The following CLASP1 variants were observed in gnomAD, a reference collection of about 807,000 sequenced individuals.
The protein encoded by CLASP1 is cytoplasmic linker associated protein 1.
In CLASP1, 38 loss-of-function variants were observed where a neutral mutation model predicts 192.3. The observed-to-expected ratio is 0.20, with a 90% CI of 0.15 to 0.26. The LOEUF is 0.26. Ranked by LOEUF, CLASP1 falls within the 10% of genes least tolerant of loss-of-function variation. The probability of loss-of-function intolerance (pLI) is 1.00; values close to 1 mark genes in which losing one functional copy is unlikely to be tolerated. For synonymous variants in CLASP1, 691 were observed against 712.8 expected (o/e 0.97, Z 0.49); for missense variants, 1,433 against 1,932.5 (o/e 0.74, Z 4.85).
intron 8 of CLASP1, among the ~76,000 whole-genome samples, chr2:121,487,868 G>C (rs375450737): frequency 6.6e-6 from 1 of 152,170 alleles, no homozygotes; most frequent in East Asian, 1.9e-4. Context: ...ACATCGTATG[G>C]ATCATTAACA....
exon 40 of CLASP1, chr2:121,340,646 T>C (rs939776731): frequency 1.9e-6 from 1 of 532,076 alleles, no homozygotes; most frequent in African/African-American, 1.9e-5. Flanking sequence ...TTATTCCTTT[T>C]GTTTTGTATG....
chr2:121,648,227 C>T (rs544542656), intron 1 of CLASP1, among the ~76,000 whole-genome samples: 2 of 152,258 alleles, frequency 1.3e-5, no homozygotes, highest in Non-Finnish European at 2.9e-5. Flanking sequence ...TTTCTAATGC[C>T]AGAATTGAAA....
intron 1 of CLASP1, among the ~76,000 whole-genome samples, chr2:121,619,297 T>C (rs768732329): frequency 1.3e-5 from 2 of 152,230 alleles, no homozygotes; most frequent in Non-Finnish European, 2.9e-5. Flanking sequence ...TCCTGTGTTT[T>C]CCAAATTTTT....
chr2:121,587,273 T>A (rs1165431233), intron 2 of CLASP1, among the ~76,000 whole-genome samples: 2 of 152,024 alleles, frequency 1.3e-5, no homozygotes, highest in East Asian at 3.9e-4. Context: ...AGACAGAGAA[T>A]AGATCAGAAC....
chr2:121,510,047 T>C (rs1056444320), intron 7 of CLASP1, among the ~76,000 whole-genome samples: 2 of 152,094 alleles, frequency 1.3e-5, no homozygotes, highest in African/African-American at 4.8e-5. Flanking sequence ...AATGAAAACA[T>C]TAACATATCA....
At chr2:121,509,825 G>A (rs1039187350) in intron 7 of CLASP1, among the ~76,000 whole-genome samples, 2 of 152,096 alleles carry the variant, frequency 1.3e-5, no homozygotes, top group Admixed American at 1.3e-4. Context: ...ACAAAAGAGT[G>A]AGACTCTGCC....
intron 34 of CLASP1, among the ~76,000 whole-genome samples, chr2:121,373,064 C>G (rs1014057153): frequency 1.3e-5 from 2 of 152,208 alleles, no homozygotes; most frequent in African/African-American, 4.8e-5. Flanking sequence ...TGTGTACTCA[C>G]CCAAATCTTA....
intron 2 of CLASP1, among the ~76,000 whole-genome samples, chr2:121,557,016 T>C (rs533264344): frequency 6.6e-6 from 1 of 152,322 alleles, no homozygotes; most frequent in Non-Finnish European, 1.5e-5. Context: ...GGCAACTGTC[T>C]ACAAAACTAA....
At position 121,622,641 on chromosome 2, in the gene CLASP1, C is replaced by T. The variant is rs116704658; in HGVS notation, c.-285-16461G>A. Among the ~76,000 whole-genome samples the T allele has an allele frequency of 2.3e-3, 348 of 151,090 alleles. 2 individuals are homozygous for T. The highest frequency in any genetic ancestry group is 4.0e-3 in the Non-Finnish European group (270 of 67,818). On this transcript the variant is annotated intron_variant, in intron 1 of 39. Coordinates refer to ENST00000263710, the Ensembl canonical transcript of CLASP1. ...TTCCCAAATGTTTTATTCTTTTTGA[C>T]GCTACTGTGAATGGAATTGTTCCCT...
At chr2:121,353,601 CTTTAT>C (rs1341282358) in intron 37 of CLASP1, among the ~76,000 whole-genome samples, 2 of 152,220 alleles carry the variant, frequency 1.3e-5, no homozygotes, top group African/African-American at 4.8e-5. Context: ...CATGTGTATG[CTTTAT>C]TTTATCACTG....
At chr2:121,615,201 A>T (rs1336090854) in intron 1 of CLASP1, among the ~76,000 whole-genome samples, 1 of 151,834 alleles carries the variant, frequency 6.6e-6, no homozygotes, top group African/African-American at 2.4e-5. Context: ...TTAGCCGGGC[A>T]TAGGGCGCAC....
intron 2 of CLASP1, among the ~76,000 whole-genome samples, chr2:121,561,866 T>C (rs1576008879): frequency 2.0e-5 from 3 of 152,362 alleles, no homozygotes; most frequent in Admixed American, 1.3e-4. Context: ...TTCCTACCTT[T>C]GAGTGGCTTA....
chr2:121,503,714 C>T (rs2093839861), intron 7 of CLASP1: 1 of 152,392 alleles, frequency 6.6e-6, no homozygotes, highest in African/African-American at 2.4e-5. Flanking sequence ...TCCAAAAATG[C>T]TATAAATGAT....
At chr2:121,447,439 C>T in exon 19 of CLASP1, 2 of 1,562,532 alleles carry the variant, frequency 1.3e-6, no homozygotes, top group South Asian at 1.2e-5. Context: ...GCTGCGTTCA[C>T]ATCAATATCA....
chr2:121,608,357 T>A lies in CLASP1; in HGVS notation c.-285-2177A>T, dbSNP rs7594751. Among the ~76,000 whole-genome samples the A allele has an allele frequency of 4.9e-3, 746 of 152,242 alleles. 8 individuals carry two copies. The highest frequency in any genetic ancestry group is 0.017 in the African/African-American group (723 of 41,534). ...CTACCTCACCCAGGTGGAGTCCAAG[T>A]CCCCTCCTGCAATGACTCTGGGCTT... On this transcript the variant is annotated intron_variant, in intron 1 of 39. Coordinates refer to ENST00000263710, the Ensembl canonical transcript of CLASP1.
chr2:121,362,172 C>T (rs2066540971), intron 37 of CLASP1, among the ~76,000 whole-genome samples: 1 of 152,260 alleles, frequency 6.6e-6, no homozygotes, highest in African/African-American at 2.4e-5. Context: ...TGTTATGTCT[C>T]ACTCTGGGGT....
chr2:121,497,324 AAGGAGTAC>A (rs1481699833), intron 8 of CLASP1, among the ~76,000 whole-genome samples: 1 of 152,202 alleles, frequency 6.6e-6, no homozygotes, highest in Non-Finnish European at 1.5e-5. Flanking sequence ...TCACGCTTAT[AAGGAGTAC>A]AGAAAACACT....
intron 1 of CLASP1, among the ~76,000 whole-genome samples, chr2:121,619,859 G>A (rs2067040063): frequency 6.6e-6 from 1 of 152,126 alleles, no homozygotes; most frequent in African/African-American, 2.4e-5. Flanking sequence ...GACATCCACT[G>A]AGAACTGCTG....
intron 33 of CLASP1, among the ~76,000 whole-genome samples, chr2:121,381,768 AT>A (rs1325042034): frequency 1.3e-5 from 2 of 152,200 alleles, no homozygotes; most frequent in Non-Finnish European, 2.9e-5. Context: ...CAAATAGTCA[AT>A]AGCAAGGCTG....
Sources: gnomAD v4.1 joint callset for allele counts (sites outside exome capture counted in the v4.1 genomes callset) on GRCh38, gnomAD v4.1.1 for gene constraint, MANE v1.5 for transcripts, NCBI Gene and HGNC (gene_info 2026-07-23, HGNC 2026-07-21) for gene names.